The following FBXL13 variants were observed in gnomAD, a reference collection of about 807,000 sequenced individuals.
The protein encoded by FBXL13 is F-box and leucine rich repeat protein 13, also known as F-box and leucine-rich repeat protein 13.
FBXL13 carries 67 observed loss-of-function variants against 83.6 expected under a neutral mutation model. That is an observed-to-expected ratio of 0.80 (90% CI 0.66 to 0.98). The LOEUF is 0.98. Ranked by LOEUF, FBXL13 falls within the 50% of genes least tolerant of loss-of-function variation. The pLI is 0.00. For missense variants in FBXL13, 822 were observed against 866.5 expected (o/e 0.95, Z 0.64); for synonymous variants, 272 against 299.5 (o/e 0.91, Z 0.95).
intron 4 of FBXL13, 25 bp downstream of exon 5, chr7:103,028,575 T>TA: frequency 6.8e-7 from 1 of 1,475,846 alleles, no homozygotes; most frequent in Non-Finnish European, 9.1e-7. Flanking sequence ...ATACAAAAAG[T>TA]AATTGCTACT....
chr7:102,952,557 C>T (rs929796320), intron 8 of FBXL13, among the ~76,000 whole-genome samples: 1 of 151,850 alleles, frequency 6.6e-6, no homozygotes, highest in Non-Finnish European at 1.5e-5. Context: ...ACTGTTGTAC[C>T]CCAACAAATT....
intron 11 of FBXL13, among the ~76,000 whole-genome samples, chr7:102,908,858 A>T (rs916104085): frequency 3.3e-5 from 5 of 152,192 alleles, no homozygotes; most frequent in African/African-American, 1.2e-4. Flanking sequence ...TAGCTATCAC[A>T]GCACTGGGTC....
intron 2 of FBXL13, among the ~76,000 whole-genome samples, chr7:103,054,044 T>G (rs1236828829): frequency 6.6e-6 from 1 of 152,024 alleles, no homozygotes. Context: ...ACATCCAACT[T>G]CAGTAGCAAC....
chr7:102,930,395 CCT>C (rs1308032553), intron 9 of FBXL13, among the ~76,000 whole-genome samples: 4 of 152,078 alleles, frequency 2.6e-5, no homozygotes, highest in Non-Finnish European at 5.9e-5. Flanking sequence ...TTTCCCTGCC[CCT>C]GTTTTCCTTC....
intron 10 of FBXL13, among the ~76,000 whole-genome samples, chr7:102,922,569 C>T (rs1817268775): frequency 6.6e-6 from 1 of 152,062 alleles, no homozygotes; most frequent in Non-Finnish European, 1.5e-5. Context: ...TAAAACATAC[C>T]ATATTCTTTA....
At chr7:102,858,216 A>C (rs181954994) in intron 16 of FBXL13, among the ~76,000 whole-genome samples, 1 of 152,318 alleles carries the variant, frequency 6.6e-6, no homozygotes, top group Admixed American at 6.5e-5. Flanking sequence ...GATAAATACC[A>C]CATGTCCTCA....
At chr7:102,967,371 C>T (rs1826090207) in intron 7 of FBXL13, among the ~76,000 whole-genome samples, 1 of 152,062 alleles carries the variant, frequency 6.6e-6, no homozygotes, top group African/African-American at 2.4e-5. Context: ...CTCCCAGGCT[C>T]AAGCAATTCT....
At chr7:103,074,002 C>T (rs1305090204) in intron 1 of FBXL13, among the ~76,000 whole-genome samples, 1 of 152,218 alleles carries the variant, frequency 6.6e-6, no homozygotes, top group Non-Finnish European at 1.5e-5. Context: ...GGCAAATGTT[C>T]TCAGCTTCCT....
rs372135293 is a variant in FBXL13 at position 103,025,785 on chromosome 7, T to C, written c.328-555A>G. On this transcript the variant is annotated intron_variant, in intron 5 of 19. Transcript: ENST00000313221. ...ATATGTGTATGTGTGTATGTATGTA[T>C]GTATGTGTCTGTGTATATACACACA... is the stretch of plus-strand genomic sequence containing the variant. Among the ~76,000 whole-genome samples the C allele has an allele frequency of 4.1e-4, 63 of 152,198 alleles. No homozygotes were observed. The South Asian group carries it at 9.8e-3, about 24-fold the overall frequency.
intron 2 of FBXL13, among the ~76,000 whole-genome samples, chr7:103,052,569 C>G (rs1303330308): frequency 3.3e-5 from 5 of 152,176 alleles, no homozygotes; most frequent in Non-Finnish European, 7.3e-5. Context: ...CATGTCTAAC[C>G]TTAACAAATA....
At chr7:103,029,486 AG>A in intron 2 of FBXL13, 68 bp from the exon 4 acceptor site, 1 of 856,270 alleles carries the variant, frequency 1.2e-6, no homozygotes, top group Non-Finnish European at 1.7e-6. Context: ...TACCTCTGCA[AG>A]ATACTCAAGA....
intron 6 of FBXL13, among the ~76,000 whole-genome samples, chr7:102,998,070 C>A (rs1159027563): frequency 6.6e-6 from 1 of 152,082 alleles, no homozygotes; most frequent in Non-Finnish European, 1.5e-5. Flanking sequence ...TCCTCATAAG[C>A]ATGTTATTTT....
At chr7:102,970,956 G>A (rs1241572740) in intron 6 of FBXL13, among the ~76,000 whole-genome samples, 2 of 152,110 alleles carry the variant, frequency 1.3e-5, no homozygotes, top group South Asian at 2.1e-4. Flanking sequence ...TACATAACAT[G>A]AAAAGGTCCA....
At chr7:103,047,120 A>G (rs1350719470) in intron 2 of FBXL13, 1 of 152,228 alleles carries the variant, frequency 6.6e-6, no homozygotes. Context: ...TAAATGACCC[A>G]TCGGATAGCC....
chr7:103,044,885 C>A (rs1221137981), intron 2 of FBXL13, among the ~76,000 whole-genome samples: 4 of 152,154 alleles, frequency 2.6e-5, no homozygotes, highest in Non-Finnish European at 4.4e-5. Flanking sequence ...CCTACTTTTT[C>A]TTTACTATTT....
chr7:103,013,970 C>G lies in FBXL13; in HGVS notation c.495+11093G>C, dbSNP rs569958057. On this transcript the variant is annotated intron_variant, in intron 6 of 19. Coordinates refer to ENST00000313221, the Ensembl canonical transcript of FBXL13. ...AAAGGGTGTATTACCACTGACCCCC[C>G]AGAAATACAAAAAACCCTCAGAGAT... Among the ~76,000 whole-genome samples the G allele has an allele frequency of 1.6e-4, 25 of 152,096 alleles. 1 individual carries two copies. The South Asian group carries it at 3.3e-3, about 20-fold the overall frequency.
At chr7:102,926,278 G>A in exon 10 of FBXL13, 1 of 1,612,688 alleles carries the variant, frequency 6.2e-7, no homozygotes, top group East Asian at 2.2e-5. Flanking sequence ...CATTACCTCG[G>A]CAGGAGTCGC....
At chr7:103,051,554 C>T (rs1796817309) in intron 2 of FBXL13, among the ~76,000 whole-genome samples, 5 of 152,178 alleles carry the variant, frequency 3.3e-5, no homozygotes, top group Admixed American at 3.3e-4. Context: ...TCAGTTCACT[C>T]AACGCTCCTG....
In FBXL13 at chr7:102,931,948, T is replaced by A. The variant is rs763120542; in HGVS notation, c.725-15A>T. 6.2e-7 allele frequency: 1 copy of A among 1,612,232 alleles called. No homozygotes were observed. The highest frequency in any genetic ancestry group is 8.5e-7 in the Non-Finnish European group (1 of 1,178,910). The stretch of plus-strand genomic sequence containing the variant: ...CCTACAGTGGCCTAAATCAAATAAG[T>A]TACACGTCACTAAACTACATATTGC... On this transcript the variant is annotated splice_polypyrimidine_tract_variant and intron_variant, in intron 8 of 19. Coordinates refer to ENST00000313221, the Ensembl canonical transcript of FBXL13.
Sources: allele counts gnomAD v4.1 joint callset (sites outside exome capture counted in the v4.1 genomes callset), GRCh38; gene constraint gnomAD v4.1.1; transcripts MANE v1.5; gene names NCBI Gene and HGNC (gene_info 2026-07-23, HGNC 2026-07-21).